CTNND2: variants seen among roughly 807,000 people sequenced by gnomAD.
CTNND2 encodes catenin delta-2.
A neutral mutation model predicts 144.4 loss-of-function variants in CTNND2; 22 were observed. The ratio of observed to expected loss-of-function variants is 0.15; its 90% CI spans 0.11 to 0.22. CTNND2 has a LOEUF of 0.22. CTNND2 is among the 10% of genes least tolerant of loss of function. The pLI is 1.00. For missense variants in CTNND2, 1,353 were observed against 1,618.8 expected (o/e 0.84, Z 2.82); for synonymous variants, 751 against 695.6 (o/e 1.08, Z -1.25).
Position 11,397,117 on chromosome 5 carries a change from G to T in CTNND2, c.526C>A (p.Gln176Lys). Reference sequence around the variant, plus strand: ...GTGGTTTCCCCCAGGGCCAGGGTCTGGTTGCTATGGTAGCTGGCCGGATAC... The same window carrying T: ...GTGGTTTCCCCCAGGGCCAGGGTCTTGTTGCTATGGTAGCTGGCCGGATAC... Reference protein sequence around the residue: ...FQYPASYHSNQTLALGETTPS... With the variant: ...FQYPASYHSNKTLALGETTPS... Residue 176 changes from glutamine (Q) to lysine (K), a missense_variant, in exon 6 of 22, where the codon CAG (glutamine) becomes AAG (lysine). Gln to Lys is a moderately conservative substitution (Grantham distance 53). Transcript: ENST00000304623. 6.2e-7 allele frequency: 1 copy of T among 1,614,194 alleles called. No homozygotes were observed. The highest frequency in any genetic ancestry group is 8.5e-7 in the Non-Finnish European group (1 of 1,180,032).
At chr5:11,631,021 C>T (rs1169804564) in intron 2 of CTNND2, among the ~76,000 whole-genome samples, 2 of 151,788 alleles carry the variant, frequency 1.3e-5, no homozygotes, top group Non-Finnish European at 1.5e-5. Context: ...TCTCTTAACT[C>T]TTCAGATTGT....
chr5:11,137,242 T>G (rs1365408922), intron 12 of CTNND2, among the ~76,000 whole-genome samples: 2 of 152,244 alleles, frequency 1.3e-5, no homozygotes, highest in Admixed American at 1.3e-4. Flanking sequence ...TCATTTCTTA[T>G]TTATTAATAT....
chr5:11,817,995 T>TC (rs1793094328), intron 1 of CTNND2, among the ~76,000 whole-genome samples: 1 of 72,314 alleles, frequency 1.4e-5, no homozygotes, highest in Non-Finnish European at 3.7e-5. Context: ...TTTTTTTTTT[T>TC]TTTTTTTTTC....
intron 6 of CTNND2, among the ~76,000 whole-genome samples, chr5:11,393,921 G>T (rs1759845990): frequency 6.6e-6 from 1 of 151,988 alleles, no homozygotes; most frequent in Non-Finnish European, 1.5e-5. Context: ...ACCAATGACT[G>T]AGTGGTTTCC....
intron 16 of CTNND2, chr5:11,027,056 T>C (rs549689782): frequency 2.0e-5 from 3 of 152,304 alleles, no homozygotes; most frequent in African/African-American, 7.2e-5. Context: ...CAAAATCCCG[T>C]CAGAGAGACA....
intron 3 of CTNND2, among the ~76,000 whole-genome samples, chr5:11,434,123 T>C (rs923070454): frequency 2.0e-5 from 3 of 152,238 alleles, no homozygotes; most frequent in African/African-American, 2.4e-5. Flanking sequence ...ATTTATACAA[T>C]AGAAAGCTAC....
intron 1 of CTNND2, among the ~76,000 whole-genome samples, chr5:11,773,928 T>C (rs1790094827): frequency 6.6e-6 from 1 of 152,132 alleles, no homozygotes; most frequent in South Asian, 2.1e-4. Flanking sequence ...ATTAAGAGAA[T>C]GATCAATAGA....
chr5:11,879,339 G>GTGTGTGTATA (rs1553988765), intron 1 of CTNND2, among the ~76,000 whole-genome samples: 1 of 100,964 alleles, frequency 9.9e-6, no homozygotes, highest in Non-Finnish European at 2.2e-5. Flanking sequence ...AATTAAATGT[G>GTGTGTGTATA]TGTATATATA....
chr5:11,006,868 T>G (rs748661491), intron 18 of CTNND2, among the ~76,000 whole-genome samples: 1 of 152,036 alleles, frequency 6.6e-6, no homozygotes, highest in Non-Finnish European at 1.5e-5. Context: ...AGGGGAAGAA[T>G]GACCAGAGGG....
In CTNND2 at chr5:11,850,207, GCA is replaced by G. The variant is rs531339098; in HGVS notation, c.37+53608_37+53609del. ...TCTCATGTATTCTCTAAGTCCAAAGGCACATGAACACCATCATGGAAAGACGT... is the reference window on the plus strand; with the variant it reads ...TCTCATGTATTCTCTAAGTCCAAAGGCATGAACACCATCATGGAAAGACGT... On this transcript the variant is annotated intron_variant, in intron 1 of 21. Coordinates refer to ENST00000304623, the MANE Select transcript of CTNND2 (RefSeq NM_001332.4). 1.6e-3 allele frequency among the ~76,000 whole-genome samples: 246 copies of G among 152,118 alleles called. 1 individual carries two copies. Among genetic ancestry groups the G allele is most frequent in the African/African-American group, 5.8e-3 (242 of 41,496 alleles).
At chr5:11,436,106 G>A (rs1763749559) in intron 3 of CTNND2, among the ~76,000 whole-genome samples, 1 of 152,040 alleles carries the variant, frequency 6.6e-6, no homozygotes, top group South Asian at 2.1e-4. Context: ...GCTCTCGGGG[G>A]CTGGCACAGT....
chr5:11,088,675 G>A (rs1294164870), intron 15 of CTNND2, among the ~76,000 whole-genome samples: 1 of 152,026 alleles, frequency 6.6e-6, no homozygotes, highest in Non-Finnish European at 1.5e-5. Context: ...AGTTTGGAGG[G>A]GCCCTATTGA....
At chr5:11,513,674 A>C (rs768988745) in intron 3 of CTNND2, among the ~76,000 whole-genome samples, 2 of 152,102 alleles carry the variant, frequency 1.3e-5, no homozygotes, top group Non-Finnish European at 2.9e-5. Context: ...TTTTCTAGCA[A>C]TTCAGTTGTG....
intron 1 of CTNND2, among the ~76,000 whole-genome samples, chr5:11,812,483 G>C (rs1417534633): frequency 6.6e-6 from 1 of 152,026 alleles, no homozygotes; most frequent in East Asian, 1.9e-4. Context: ...AGTTCTCCCA[G>C]CATCAATTCC....
rs1371703986 is a variant in CTNND2 at position 11,385,105 on chromosome 5, G to A, written c.737C>T (p.Ala246Val). 9.7e-7 allele frequency: 1 copy of A among 1,030,870 alleles called. No homozygotes were observed. The highest frequency in any genetic ancestry group is 1.2e-6 in the Non-Finnish European group (1 of 861,916). The allele number at this position is 1,030,870 out of a possible 1,614,324, so 63.9% of individuals were successfully genotyped here. Residue 246 changes from alanine (A) to valine (V), a missense_variant, in exon 7 of 22, where the codon GCC (alanine) becomes GTC (valine). Physicochemically the swap from Ala to Val is moderately conservative, Grantham distance 64. Coordinates refer to ENST00000304623, the MANE Select transcript of CTNND2 (RefSeq NM_001332.4). ...GTAGTAGAGCGCGGCGGCGGCGGCG[G>A]CGGGCGGCGCGTCGGGCAGGTGGAA... ...SAFHLPDAPPAAAAAALYYSS... is the reference protein window; with the variant it reads ...SAFHLPDAPPVAAAAALYYSS...
At chr5:11,533,968 C>T (rs1773989210) in intron 3 of CTNND2, among the ~76,000 whole-genome samples, 1 of 152,170 alleles carries the variant, frequency 6.6e-6, no homozygotes, top group South Asian at 2.1e-4. Flanking sequence ...AGAATGGATG[C>T]ATTCACAACA....
At chr5:11,457,563 G>C (rs1412537776) in intron 3 of CTNND2, among the ~76,000 whole-genome samples, 1 of 152,074 alleles carries the variant, frequency 6.6e-6, no homozygotes, top group Admixed American at 6.6e-5. Flanking sequence ...TCCATAGTTG[G>C]CATTTTTTCT....
At chr5:11,806,680 G>C (rs746021775) in intron 1 of CTNND2, among the ~76,000 whole-genome samples, 5 of 151,998 alleles carry the variant, frequency 3.3e-5, no homozygotes, top group Non-Finnish European at 7.4e-5. Context: ...ACACATCAGG[G>C]TTGTAACAGC....
intron 11 of CTNND2, among the ~76,000 whole-genome samples, chr5:11,172,447 T>C (rs1760026779): frequency 6.6e-6 from 1 of 152,238 alleles, no homozygotes; most frequent in African/African-American, 2.4e-5. Context: ...ATCCTTTCAG[T>C]TGACAAAATC....
Sources: gnomAD v4.1 joint callset for allele counts (sites outside exome capture counted in the v4.1 genomes callset) on GRCh38, gnomAD v4.1.1 for gene constraint, MANE v1.5 for transcripts, NCBI Gene and HGNC (gene_info 2026-07-23, HGNC 2026-07-21) for gene names.